Variants in THEMIS observed in about 807,000 individuals in gnomAD.
THEMIS encodes the protein protein THEMIS.
In THEMIS, 37 loss-of-function variants were observed where a neutral mutation model predicts 52.6. The observed-to-expected ratio is 0.70, with a 90% CI of 0.54 to 0.93. THEMIS has a LOEUF of 0.93. Ranked by LOEUF, THEMIS falls within the 40% of genes least tolerant of loss-of-function variation. The pLI, the probability that THEMIS is intolerant of heterozygous loss-of-function variation, is 0.00. For missense variants in THEMIS, 808 were observed against 763.1 expected (o/e 1.06, Z -0.69); for synonymous variants, 292 against 272.7 (o/e 1.07, Z -0.70).
intron 2 of THEMIS, among the ~76,000 whole-genome samples, chr6:127,842,289 T>C (rs1779075706): frequency 6.6e-6 from 1 of 151,970 alleles, no homozygotes; most frequent in African/African-American, 2.4e-5. Flanking sequence ...GTAATACATA[T>C]TTTCTGTTAA....
chr6:127,890,440 G>A (rs188826435), intron 1 of THEMIS, among the ~76,000 whole-genome samples: 85 of 152,198 alleles, frequency 5.6e-4, no homozygotes, highest in African/African-American at 1.8e-3. Context: ...AAAGGGTAGC[G>A]GGGAGAAGGG....
At chr6:127,727,056 C>T (rs763460485) in intron 4 of THEMIS, among the ~76,000 whole-genome samples, 11 of 152,144 alleles carry the variant, frequency 7.2e-5, no homozygotes, top group African/African-American at 1.9e-4. Context: ...AAATAATTTG[C>T]GATTTTAGAG....
At chr6:127,817,639 C>G (rs1343280446) in intron 3 of THEMIS, among the ~76,000 whole-genome samples, 1 of 152,096 alleles carries the variant, frequency 6.6e-6, no homozygotes, top group Non-Finnish European at 1.5e-5. Flanking sequence ...AACAACTCTT[C>G]TTAGATTCAC....
chr6:127,813,911 T>C lies in THEMIS; in HGVS notation c.730A>G (p.Ile244Val), dbSNP rs1205103282. ...ACTTCGACATCTAGACTGGGGAGGA[T>C]GCGGATTATATCTTTTCGAACTAAA... ...VMKFRKDIIR[I>V]LPSLDVEVKD... The change falls in exon 4 of 6, where the codon ATC becomes GTC. Residue 244 changes from isoleucine to valine, a missense_variant. By Grantham distance (29) the Ile-to-Val change is conservative. Transcript: ENST00000368248. The C allele has an allele frequency of 6.4e-7, 1 of 1,572,218 alleles. No homozygotes were observed.
chr6:127,799,601 T>A (rs1421641765), intron 4 of THEMIS, among the ~76,000 whole-genome samples: 4 of 151,784 alleles, frequency 2.6e-5, no homozygotes, highest in African/African-American at 7.3e-5. Flanking sequence ...CTTTCTTTCC[T>A]TCTTTCTTTT....
intron 1 of THEMIS, among the ~76,000 whole-genome samples, chr6:127,892,605 A>AT (rs35701947): frequency 6.6e-6 from 1 of 152,056 alleles, no homozygotes; most frequent in Non-Finnish European, 1.5e-5. Flanking sequence ...CTCGCTTAAC[A>AT]TTTTTCTATA....
chr6:127,848,335 T>A (rs1427047709), intron 2 of THEMIS, among the ~76,000 whole-genome samples: 2 of 152,054 alleles, frequency 1.3e-5, no homozygotes, highest in Non-Finnish European at 2.9e-5. Flanking sequence ...TGTTGGACAT[T>A]TGGGTTGGTT....
intron 4 of THEMIS, among the ~76,000 whole-genome samples, chr6:127,730,318 G>GAAAAGAAAAGAAAAGAAA (rs1456074763): frequency 1.7e-5 from 2 of 116,958 alleles, no homozygotes; most frequent in Non-Finnish European, 3.4e-5. Context: ...AAAGAAAAGA[G>GAAAAGAAAAGAAAAGAAA]AAAAAAAGAA....
intron 5 of THEMIS, among the ~76,000 whole-genome samples, chr6:127,719,180 A>T (rs961582815): frequency 2.5e-4 from 38 of 151,886 alleles, no homozygotes; most frequent in African/African-American, 8.7e-4. Flanking sequence ...TGGGTAGCTT[A>T]ATTGAATGCT....
chr6:127,719,894 T>A, intron 4 of THEMIS, 71 bp from the exon 5 acceptor site: 1 of 1,559,434 alleles, frequency 6.4e-7, no homozygotes, highest in Non-Finnish European at 8.7e-7. Flanking sequence ...GAAAGATTTA[T>A]CACATGGCAA....
intron 4 of THEMIS, among the ~76,000 whole-genome samples, chr6:127,738,559 C>G (rs1210932073): frequency 1.3e-5 from 2 of 152,178 alleles, no homozygotes; most frequent in African/African-American, 4.8e-5. Context: ...CAGACTACTA[C>G]CTACGACCTT....
chr6:127,913,276 C>T (rs1434686033), intron 1 of THEMIS, among the ~76,000 whole-genome samples: 1 of 152,152 alleles, frequency 6.6e-6, no homozygotes, highest in Non-Finnish European at 1.5e-5. Flanking sequence ...GAAGCCTTTT[C>T]TAATCTTTAT....
chr6:127,785,185 TA>T (rs1471756415), intron 4 of THEMIS, among the ~76,000 whole-genome samples: 1 of 151,430 alleles, frequency 6.6e-6, no homozygotes, highest in South Asian at 2.1e-4. Context: ...TCTACCTACC[TA>T]ATCTATTATC....
intron 2 of THEMIS, among the ~76,000 whole-genome samples, chr6:127,845,616 T>G (rs549954815): frequency 6.6e-6 from 1 of 152,066 alleles, no homozygotes; most frequent in Admixed American, 6.6e-5. Context: ...TTATTTGACA[T>G]ATCTGGTGGC....
chr6:127,818,301 TC>T (rs1562278212), intron 3 of THEMIS, among the ~76,000 whole-genome samples: 1 of 151,150 alleles, frequency 6.6e-6, no homozygotes, highest in Non-Finnish European at 1.5e-5. Context: ...ATTATAGAAA[TC>T]CCCCCTCCAT....
At chr6:127,899,775 T>C (rs1781079932) in intron 1 of THEMIS, among the ~76,000 whole-genome samples, 1 of 151,412 alleles carries the variant, frequency 6.6e-6, no homozygotes, top group South Asian at 2.1e-4. Context: ...ACATTGATAA[T>C]ATGATTATAC....
At chr6:127,780,604 C>T (rs1468016960) in intron 4 of THEMIS, among the ~76,000 whole-genome samples, 1 of 152,174 alleles carries the variant, frequency 6.6e-6, no homozygotes, top group East Asian at 1.9e-4. Flanking sequence ...GTGACAAAAT[C>T]TCTCAGCATT....
At chr6:127,890,688 T>C (rs2114468931) in intron 1 of THEMIS, among the ~76,000 whole-genome samples, 1 of 152,236 alleles carries the variant, frequency 6.6e-6, no homozygotes, top group East Asian at 1.9e-4. Flanking sequence ...AAATATTACA[T>C]GTACCCCATA....
intron 4 of THEMIS, among the ~76,000 whole-genome samples, chr6:127,809,626 A>C (rs779293459): frequency 9.2e-5 from 14 of 152,056 alleles, no homozygotes; most frequent in Non-Finnish European, 2.1e-4. Flanking sequence ...CTGTCTGATA[A>C]ATTCTCAACC....
Sources: allele counts gnomAD v4.1 joint callset (sites outside exome capture counted in the v4.1 genomes callset), GRCh38; gene constraint gnomAD v4.1.1; transcripts MANE v1.5; gene names NCBI Gene and HGNC (gene_info 2026-07-23, HGNC 2026-07-21).